Variants in AKR1C3 observed in about 807,000 individuals in gnomAD.
AKR1C3 encodes 3-alpha hydroxysteroid dehydrogenase, type II.
In AKR1C3, 48 loss-of-function variants were observed where a neutral mutation model predicts 43.6. That is an observed-to-expected ratio of 1.10 (90% CI 0.87 to 1.40). AKR1C3 has a LOEUF of 1.40. AKR1C3 is among the 40% of genes most tolerant of loss of function. The pLI, the probability that AKR1C3 is intolerant of heterozygous loss-of-function variation, is 0.00. For synonymous variants in AKR1C3, 162 were observed against 139.6 expected (o/e 1.16, Z -1.13); for missense variants, 482 against 391.2 (o/e 1.23, Z -1.96).
intron 4 of AKR1C3, 152 bp downstream of exon 4, chr10:5,099,031 CAAAAG>C (rs1839284069): frequency 9.4e-6 from 8 of 852,866 alleles, no homozygotes; most frequent in Non-Finnish European, 1.4e-5. Flanking sequence ...GGGAAAAACA[CAAAAG>C]GAATGTTTAG....
intron 5 of AKR1C3, among the ~76,000 whole-genome samples, chr10:5,100,817 T>C (rs1448620555): frequency 6.6e-6 from 1 of 151,782 alleles, no homozygotes; most frequent in Admixed American, 6.5e-5. Context: ...TTGATAAAAA[T>C]AATACACGAT....
intron 3 of AKR1C3, 133 bp from the exon 4 acceptor site, chr10:5,098,669 A>G: frequency 1.4e-6 from 1 of 711,960 alleles, no homozygotes; most frequent in Non-Finnish European, 2.5e-6. Flanking sequence ...TAAAACACTT[A>G]GCACATATCA....
At chr10:5,101,617 ATTTTATTAAT>A (rs1839352262) in intron 5 of AKR1C3, among the ~76,000 whole-genome samples, 2 of 152,110 alleles carry the variant, frequency 1.3e-5, no homozygotes, top group African/African-American at 2.4e-5. Context: ...TTTTTAATTA[ATTTTATTAAT>A]TTTTGTTAGT....
At chr10:5,054,743 CTTCTCT>C (rs1838223638) in intron 1 of AKR1C3, among the ~76,000 whole-genome samples, 2 of 152,014 alleles carry the variant, frequency 1.3e-5, no homozygotes, top group African/African-American at 4.8e-5. Context: ...CCTCTCTCTC[CTTCTCT>C]TTGTCTCCCT....
In AKR1C3 at chr10:5,102,154, G is replaced by T. The variant is rs200129210; in HGVS notation, c.624G>T (p.Ser208=). ...NRSKLLDFCK[S]KDIVLVAYSA... ...GTAAATTGCTAGATTTCTGCAAGTC[G>T]AAAGATATTGTTCTGGTTGCCTATA... is the stretch of plus-strand genomic sequence containing the variant. The change falls in exon 6 of 9, where the codon TCG becomes TCT. Residue 208 remains serine, a synonymous_variant. Transcript: ENST00000380554. 3.2e-5 allele frequency: 51 copies of T among 1,613,910 alleles called. No individual in the cohort carries two copies. The highest frequency in any genetic ancestry group is 4.2e-5 in the Non-Finnish European group (50 of 1,179,992).
At chr10:5,077,533 C>T in intron 1 of AKR1C3, 1 of 290,782 alleles carries the variant, frequency 3.4e-6, no homozygotes, top group Non-Finnish European at 5.1e-6. Context: ...GTCACTGTGT[C>T]CTATTATGGA....
chr10:5,065,614 G>T (rs1554780725), intron 1 of AKR1C3, among the ~76,000 whole-genome samples: 1 of 152,200 alleles, frequency 6.6e-6, no homozygotes, highest in Non-Finnish European at 1.5e-5. Flanking sequence ...GTGGTAATGG[G>T]CATGAGCATA....
At chr10:5,107,318 T>C in intron 8 of AKR1C3, 143 bp from the exon 9 acceptor site, 1 of 631,826 alleles carries the variant, frequency 1.6e-6, no homozygotes, top group Non-Finnish European at 2.8e-6. Flanking sequence ...TATGAAGCCA[T>C]GTTCATAAAG....
intron 1 of AKR1C3, among the ~76,000 whole-genome samples, chr10:5,066,307 T>A (rs1178051626): frequency 6.6e-6 from 1 of 152,184 alleles, no homozygotes; most frequent in African/African-American, 2.4e-5. Flanking sequence ...TGGCCTCCTA[T>A]CATTTCATTT....
At chr10:5,099,746 T>A (rs369746473) in intron 5 of AKR1C3, 30 of 382,892 alleles carry the variant, frequency 7.8e-5, no homozygotes, top group African/African-American at 5.9e-4. Context: ...GACTTACCTC[T>A]AAGCTATGAA....
At chr10:5,085,217 A>T (rs1472202937) in intron 1 of AKR1C3, among the ~76,000 whole-genome samples, 1 of 152,020 alleles carries the variant, frequency 6.6e-6, no homozygotes, top group African/African-American at 2.4e-5. Flanking sequence ...TGGGTTTGTC[A>T]TAGATAGCTC....
chr10:5,105,527 C>G, intron 7 of AKR1C3, 68 bp from the exon 8 acceptor site: 1 of 1,185,138 alleles, frequency 8.4e-7, no homozygotes, highest in Non-Finnish European at 1.2e-6. Flanking sequence ...CTGCACCCTA[C>G]TGTCTAATAT....
upstream of AKR1C3, among the ~76,000 whole-genome samples, chr10:5,091,934 T>A (rs560124089): frequency 6.6e-6 from 1 of 152,126 alleles, no homozygotes; most frequent in Non-Finnish European, 1.5e-5. Context: ...CTAAAATGCT[T>A]TTATTTTAAG....
chr10:5,094,347 G>C, upstream of AKR1C3: 4 of 1,005,782 alleles, frequency 4.0e-6, no homozygotes, highest in Non-Finnish European at 5.9e-6. Flanking sequence ...CCATCAGTCA[G>C]TTTGCAGGGG....
chr10:5,102,622 A>T lies in AKR1C3; in HGVS notation c.818A>T (p.Asn273Ile). The T allele has an allele frequency of 6.7e-7, 1 of 1,497,066 alleles. No individual in the cohort carries two copies. Among genetic ancestry groups the T allele is most frequent in the Non-Finnish European group, 8.9e-7 (1 of 1,122,504 alleles). The allele number at this position is 1,497,066 out of a possible 1,614,324, so 92.7% of individuals were successfully genotyped here. Reference sequence around the variant, plus strand: ...GTTGTGGTCCTGGCCAAGAGCTACAATGAGCAGCGCATCAGACAGAACGTG... The same window carrying T: ...GTTGTGGTCCTGGCCAAGAGCTACATTGAGCAGCGCATCAGACAGAACGTG... ...RGVVVLAKSY[N>I]EQRIRQNVQV... The change falls in exon 7 of 9, where the codon AAT (asparagine) becomes ATT (isoleucine). Residue 273 changes from asparagine (N) to isoleucine (I), a missense_variant. Coordinates refer to ENST00000380554, the MANE Select transcript of AKR1C3 (RefSeq NM_003739.6).
At chr10:5,062,505 C>T (rs192914381) in intron 1 of AKR1C3, among the ~76,000 whole-genome samples, 5 of 152,280 alleles carry the variant, frequency 3.3e-5, no homozygotes, top group South Asian at 2.1e-4. Context: ...TCTACATCTC[C>T]GTATTAGTGT....
At chr10:5,102,050 A>C in intron 5 of AKR1C3, 51 bp from the exon 6 acceptor site, 1 of 1,149,334 alleles carries the variant, frequency 8.7e-7, no homozygotes, top group Non-Finnish European at 1.3e-6. Context: ...TTTCAATATT[A>C]ACATAACTAT....
chr10:5,080,148 C>T (rs781792209), intron 1 of AKR1C3, among the ~76,000 whole-genome samples: 17 of 144,176 alleles, frequency 1.2e-4, no homozygotes, highest in African/African-American at 3.7e-4. Flanking sequence ...GGACATAGGC[C>T]GGTAAGAGCG....
intron 1 of AKR1C3, among the ~76,000 whole-genome samples, chr10:5,061,182 G>A (rs369842769): frequency 1.3e-5 from 2 of 152,224 alleles, no homozygotes; most frequent in Non-Finnish European, 2.9e-5. Context: ...GACTGCAAGG[G>A]CTGCCAGCAC....
Sources: gnomAD v4.1 joint callset for allele counts (sites outside exome capture counted in the v4.1 genomes callset) on GRCh38, gnomAD v4.1.1 for gene constraint, MANE v1.5 for transcripts, NCBI Gene and HGNC (gene_info 2026-07-23, HGNC 2026-07-21) for gene names.